ARID5B: variants seen among roughly 807,000 people sequenced by gnomAD.
The protein encoded by ARID5B is AT-rich interaction domain 5B.
A neutral mutation model predicts 97.2 loss-of-function variants in ARID5B; 13 were observed. The observed-to-expected ratio is 0.13, with a 90% confidence interval of 0.09 to 0.21. ARID5B has a LOEUF of 0.21. Ranked by LOEUF, ARID5B falls within the 10% of genes least tolerant of loss-of-function variation. ARID5B has a pLI of 1.00. For missense variants in ARID5B, 1,210 were observed against 1,465.3 expected, an observed-to-expected ratio of 0.83 and a Z score of 2.84; for synonymous variants, 556 against 570.3, an observed-to-expected ratio of 0.97 and a Z score of 0.36.
At chr10:61,908,820 A>AAAAAAAAAGAAG (rs1251041161) in intron 2 of ARID5B, among the ~76,000 whole-genome samples, 15 of 146,254 alleles carry the variant, frequency 1.0e-4, no homozygotes, top group African/African-American at 4.0e-4. Context: ...AAAAAAAAAA[A>AAAAAAAAAGAAG]AAGAAGAAGA....
At chr10:61,937,129 C>T (rs58110630) in intron 2 of ARID5B, among the ~76,000 whole-genome samples, 5,523 of 152,220 alleles carry the variant, frequency 0.036, 150 homozygotes, top group African/African-American at 0.074. Context: ...CTGGTGCCCA[C>T]GGGGGCCAGA....
chr10:61,952,155 G>T (rs1838332300), intron 3 of ARID5B, among the ~76,000 whole-genome samples: 1 of 152,156 alleles, frequency 6.6e-6, no homozygotes, highest in African/African-American at 2.4e-5. Flanking sequence ...TAACTGCCTG[G>T]TTTTCTTTCT....
chr10:62,014,492 A>G (rs954744086), intron 4 of ARID5B, among the ~76,000 whole-genome samples: 1 of 152,196 alleles, frequency 6.6e-6, no homozygotes, highest in Non-Finnish European at 1.5e-5. Flanking sequence ...AGGCTTTGCT[A>G]GGTAAAAGTG....
intron 3 of ARID5B, among the ~76,000 whole-genome samples, chr10:61,996,322 C>A (rs1838995146): frequency 2.0e-5 from 3 of 152,096 alleles, no homozygotes; most frequent in Admixed American, 1.3e-4. Context: ...CCATCCTCGT[C>A]CCTAATAGTG....
intron 3 of ARID5B, among the ~76,000 whole-genome samples, chr10:61,983,287 C>T (rs1838801405): frequency 6.6e-6 from 1 of 152,198 alleles, no homozygotes; most frequent in South Asian, 2.1e-4. Context: ...TCCTTTCCTC[C>T]TCCTCCCATT....
intron 7 of ARID5B, among the ~76,000 whole-genome samples, chr10:62,064,140 G>C (rs1400266769): frequency 1.3e-5 from 2 of 152,178 alleles, no homozygotes; most frequent in Non-Finnish European, 2.9e-5. Flanking sequence ...AAAGGATTAG[G>C]CTTTGACATC....
intron 2 of ARID5B, among the ~76,000 whole-genome samples, chr10:61,934,801 T>A (rs929967298): frequency 4.0e-5 from 6 of 151,620 alleles, no homozygotes; most frequent in African/African-American, 1.2e-4. Flanking sequence ...GATCATGAGG[T>A]CAGGAGTTCG....
intron 2 of ARID5B, among the ~76,000 whole-genome samples, chr10:61,926,995 A>G (rs368347226): frequency 6.6e-6 from 1 of 152,150 alleles, no homozygotes; most frequent in African/African-American, 2.4e-5. Flanking sequence ...AAAAACCACA[A>G]TGACTTTTAC....
At chr10:62,079,094 C>T (rs1840176363) in intron 8 of ARID5B, among the ~76,000 whole-genome samples, 1 of 152,236 alleles carries the variant, frequency 6.6e-6, no homozygotes, top group Non-Finnish European at 1.5e-5. Flanking sequence ...AGAATGCTCA[C>T]TCCAGTTTCT....
At chr10:62,072,431 G>A (rs576549113) in intron 8 of ARID5B, among the ~76,000 whole-genome samples, 2 of 152,318 alleles carry the variant, frequency 1.3e-5, no homozygotes, top group Admixed American at 6.5e-5. Context: ...GCTGACAAAA[G>A]GGATGTGTAA....
intron 4 of ARID5B, among the ~76,000 whole-genome samples, chr10:62,016,571 C>T (rs949360976): frequency 2.0e-5 from 3 of 152,136 alleles, no homozygotes; most frequent in African/African-American, 4.8e-5. Context: ...CCTGTAAATA[C>T]GGATTGTCTT....
intron 8 of ARID5B, 30 bp from the exon 9 acceptor site, chr10:62,085,672 G>T: frequency 6.4e-7 from 1 of 1,566,620 alleles, no homozygotes; most frequent in South Asian, 1.2e-5. Flanking sequence ...TTACTCAACT[G>T]ACCGATCATC....
At chr10:61,927,942 C>T (rs541587645) in intron 2 of ARID5B, among the ~76,000 whole-genome samples, 77 of 152,280 alleles carry the variant, frequency 5.1e-4, no homozygotes, top group Middle Eastern at 3.4e-3. Flanking sequence ...CTGACCTATG[C>T]GGGCTCCATT....
intron 4 of ARID5B, among the ~76,000 whole-genome samples, chr10:62,029,371 T>C (rs901950094): frequency 8.5e-5 from 13 of 152,226 alleles, no homozygotes; most frequent in African/African-American, 3.1e-4. Flanking sequence ...CTTATTTTTT[T>C]CCTGTGGCAG....
intron 2 of ARID5B, among the ~76,000 whole-genome samples, chr10:61,904,594 C>A (rs953741362): frequency 2.0e-5 from 3 of 152,050 alleles, no homozygotes; most frequent in African/African-American, 7.2e-5. Context: ...AGGGGGTTTG[C>A]GGAGGGAGAT....
chr10:61,923,101 G>A (rs1844045830), intron 2 of ARID5B, among the ~76,000 whole-genome samples: 1 of 152,180 alleles, frequency 6.6e-6, no homozygotes, highest in Non-Finnish European at 1.5e-5. Flanking sequence ...AAATTGAGGA[G>A]CATGCATCAG....
chr10:62,023,571 A>T (rs971229471), intron 4 of ARID5B, among the ~76,000 whole-genome samples: 1 of 152,224 alleles, frequency 6.6e-6, no homozygotes, highest in Non-Finnish European at 1.5e-5. Flanking sequence ...AAAGTGGAAG[A>T]GGATAAGGAA....
At chr10:62,053,877 C>T (rs747293674) in intron 5 of ARID5B, among the ~76,000 whole-genome samples, 5 of 152,128 alleles carry the variant, frequency 3.3e-5, no homozygotes, top group Non-Finnish European at 5.9e-5. Context: ...GAACTATTCC[C>T]AGGGATTATC....
chr10:61,953,335 T>C (rs752904478), intron 3 of ARID5B, among the ~76,000 whole-genome samples: 10 of 152,220 alleles, frequency 6.6e-5, no homozygotes, highest in Non-Finnish European at 1.3e-4. Flanking sequence ...ATGAAACATA[T>C]ACTTTTCTAG....
Sources: gnomAD v4.1 joint callset for allele counts (sites outside exome capture counted in the v4.1 genomes callset) on GRCh38, gnomAD v4.1.1 for gene constraint, MANE v1.5 for transcripts, NCBI Gene and HGNC (gene_info 2026-07-23, HGNC 2026-07-21) for gene names.